PTPN12: variants seen among roughly 807,000 people sequenced by gnomAD.
PTPN12 encodes the protein tyrosine-protein phosphatase non-receptor type 12.
In PTPN12, 29 loss-of-function variants were observed where a neutral mutation model predicts 97.6. The observed-to-expected ratio is 0.30, with a 90% CI of 0.22 to 0.41. The LOEUF (loss-of-function observed/expected upper bound fraction) is 0.41. Ranked by LOEUF, PTPN12 falls within the 10% of genes least tolerant of loss-of-function variation. The probability of loss-of-function intolerance (pLI) is 1.00; values close to 1 mark genes in which losing one functional copy is unlikely to be tolerated. For missense variants in PTPN12, 819 were observed against 926.0 expected, an observed-to-expected ratio of 0.88 and a Z score of 1.50; for synonymous variants, 327 against 300.4, an observed-to-expected ratio of 1.09 and a Z score of -0.91.
At chr7:77,615,132 C>T (rs1476301951) in intron 11 of PTPN12, among the ~76,000 whole-genome samples, 1 of 152,106 alleles carries the variant, frequency 6.6e-6, no homozygotes, top group African/African-American at 2.4e-5. Flanking sequence ...GTGTAAAGGA[C>T]ACCGTTACAA....
In PTPN12 at chr7:77,639,276, C is replaced by T; in HGVS notation, c.2339C>T (p.Thr780Ile). The T allele has an allele frequency of 6.2e-7, 1 of 1,611,578 alleles. No homozygotes were observed. Among genetic ancestry groups the T allele is most frequent in the Non-Finnish European group, 8.5e-7 (1 of 1,178,374 alleles). The change falls in exon 18 of 18, where the codon ACA (threonine) becomes ATA (isoleucine). Residue 780 changes from threonine to isoleucine, a missense_variant. Physicochemically the swap from Thr to Ile is moderately conservative, Grantham distance 89. This residue lies in a region of PTPN12 where 607 missense variants were observed against 577.3 expected (regional missense o/e 1.05). Coordinates refer to ENST00000248594, the MANE Select transcript of PTPN12 (RefSeq NM_002835.4). ...CCAAGAGATCCACCTTCAGAATGGA[C>T]ATGATTCAGGGAGCTAGAAGACACT... ...KGPRDPPSEW[T>I]
At chr7:77,628,218 T>G (rs533328125) in intron 13 of PTPN12, among the ~76,000 whole-genome samples, 20 of 152,330 alleles carry the variant, frequency 1.3e-4, no homozygotes, top group African/African-American at 4.6e-4. Flanking sequence ...TACTGCAAAC[T>G]GCTCAATTCA....
At chr7:77,606,154 G>A (rs766492030) in intron 8 of PTPN12, among the ~76,000 whole-genome samples, 3 of 151,624 alleles carry the variant, frequency 2.0e-5, no homozygotes, top group South Asian at 2.1e-4. Context: ...GGGTTTCACC[G>A]TGTTGGCCAG....
chr7:77,595,668 T>A (rs566398303), intron 6 of PTPN12, among the ~76,000 whole-genome samples: 17 of 152,320 alleles, frequency 1.1e-4, no homozygotes, highest in African/African-American at 3.1e-4. Context: ...TACTATCTGG[T>A]CCTTTACAGA....
chr7:77,556,222 G>A (rs909131894), intron 1 of PTPN12, among the ~76,000 whole-genome samples: 1 of 151,914 alleles, frequency 6.6e-6, no homozygotes, highest in Non-Finnish European at 1.5e-5. Flanking sequence ...GAACATGCCT[G>A]GCTAAGTTTT....
intron 5 of PTPN12, 94 bp downstream of exon 5, chr7:77,585,675 G>C (rs1422412204): frequency 3.6e-6 from 4 of 1,099,918 alleles, no homozygotes; most frequent in Non-Finnish European, 5.3e-6. Flanking sequence ...GGTTAATGTA[G>C]ATACTTCTTT....
intron 8 of PTPN12, among the ~76,000 whole-genome samples, chr7:77,602,663 T>C (rs780296661): frequency 2.0e-5 from 3 of 151,946 alleles, no homozygotes; most frequent in Non-Finnish European, 4.4e-5. Flanking sequence ...ATATGGGTGA[T>C]ACAGGATATT....
At chr7:77,542,084 T>G (rs1157343378) in intron 1 of PTPN12, among the ~76,000 whole-genome samples, 1 of 152,110 alleles carries the variant, frequency 6.6e-6, no homozygotes, top group Non-Finnish European at 1.5e-5. Flanking sequence ...TGAGAACCAG[T>G]GAGCTAATAC....
intron 12 of PTPN12, among the ~76,000 whole-genome samples, chr7:77,622,535 T>C (rs1788976442): frequency 6.6e-6 from 1 of 152,082 alleles, no homozygotes; most frequent in South Asian, 2.1e-4. Context: ...TTTGGGAGGC[T>C]GAGGCGGGCA....
intron 16 of PTPN12, 122 bp from the exon 17 acceptor site, chr7:77,638,502 A>G: frequency 7.7e-7 from 1 of 1,291,072 alleles, no homozygotes; most frequent in Non-Finnish European, 9.9e-7. Flanking sequence ...CTGTAAAATT[A>G]TGGTGCCCAG....
chr7:77,611,165 T>A, intron 11 of PTPN12, 119 bp downstream of exon 11: 1 of 723,710 alleles, frequency 1.4e-6, no homozygotes, highest in Non-Finnish European at 2.3e-6. Flanking sequence ...CCAGGACACT[T>A]AACATTTTTA....
At position 77,558,420 on chromosome 7, in the gene PTPN12, C is replaced by A. The variant is rs1807828510; in HGVS notation, c.100-12658C>A. On this transcript the variant is annotated intron_variant, in intron 1 of 17. Coordinates refer to ENST00000248594, the MANE Select transcript of PTPN12 (RefSeq NM_002835.4). ...AGGGATCTTTCCGTAAAAATACTTG[C>A]ATATGTGCATAAAATAGTATGTCCA... is the stretch of plus-strand genomic sequence containing the variant. 2.6e-5 allele frequency among the ~76,000 whole-genome samples: 4 copies of A among 152,150 alleles called. No homozygotes were observed. The South Asian group carries it at 8.3e-4, about 32-fold the overall frequency.
intron 1 of PTPN12, among the ~76,000 whole-genome samples, chr7:77,548,549 CTGGG>C (rs1249462393): frequency 6.6e-6 from 1 of 152,182 alleles, no homozygotes; most frequent in African/African-American, 2.4e-5. Flanking sequence ...GGTGGTGGAA[CTGGG>C]TTAGACCCAA....
chr7:77,586,867 C>T (rs1787708099), intron 5 of PTPN12, among the ~76,000 whole-genome samples: 2 of 152,124 alleles, frequency 1.3e-5, no homozygotes, highest in South Asian at 2.1e-4. Context: ...CTCAAGAAAC[C>T]ACTTTATTTT....
intron 13 of PTPN12, among the ~76,000 whole-genome samples, chr7:77,631,555 C>T (rs540702284): frequency 2.6e-5 from 4 of 152,258 alleles, no homozygotes; most frequent in Admixed American, 6.5e-5. Context: ...TCTTTCTATT[C>T]CTCCAGTGAA....
At chr7:77,593,953 A>C (rs985280479) in intron 6 of PTPN12, among the ~76,000 whole-genome samples, 1 of 152,182 alleles carries the variant, frequency 6.6e-6, no homozygotes, top group African/African-American at 2.4e-5. Flanking sequence ...AGTTATACTC[A>C]TGACTTCTGA....
At chr7:77,600,854 G>A in intron 8 of PTPN12, 48 bp downstream of exon 8, 1 of 1,430,258 alleles carries the variant, frequency 7.0e-7, no homozygotes, top group Non-Finnish European at 9.5e-7. Flanking sequence ...TAAGTTTGAT[G>A]TTACACAAGG....
chr7:77,553,481 CAT>C (rs1267781652), intron 1 of PTPN12, among the ~76,000 whole-genome samples: 34 of 152,308 alleles, frequency 2.2e-4, no homozygotes, highest in African/African-American at 7.7e-4. Flanking sequence ...TTGTTAGACA[CAT>C]ATGGATTAAG....
In PTPN12 at chr7:77,610,785, T is replaced by C. The variant is rs142979428; in HGVS notation, c.783T>C (p.Asn261=). Residue 261 remains asparagine (N), a synonymous_variant, in exon 10 of 18, where the codon AAT becomes AAC. Transcript: ENST00000248594. The part of the protein sequence containing the change: ...LKAGKIPEEF[N]VFNLIQEMRT... ...TTTAGAAAATACCAGAGGAATTTAA[T>C]GTATTTAATTTAATACAAGAAATGA... is the stretch of plus-strand genomic sequence containing the variant. 5,161 of 1,605,912 alleles carry C rather than the reference T, an allele frequency of 3.2e-3. 17 individuals carry two copies. Among genetic ancestry groups the C allele is most frequent in the Non-Finnish European group, 4.0e-3 (4,710 of 1,177,606 alleles).
Sources: allele counts gnomAD v4.1 joint callset (sites outside exome capture counted in the v4.1 genomes callset), GRCh38; gene constraint gnomAD v4.1.1; regional missense constraint gnomAD v4.1.1; transcripts MANE v1.5; gene names NCBI Gene and HGNC (gene_info 2026-07-23, HGNC 2026-07-21).